AFF1: variants seen among roughly 807,000 people sequenced by gnomAD.
AFF1 encodes ALF transcription elongation factor 1.
AFF1 carries 48 observed loss-of-function variants against 121.7 expected under a neutral mutation model. The observed-to-expected ratio is 0.39, with a 90% CI of 0.31 to 0.50. AFF1 has a LOEUF of 0.50. AFF1 is among the 20% of genes least tolerant of loss of function. The pLI is 0.76. For synonymous variants in AFF1, 613 were observed against 563.0 expected, an observed-to-expected ratio of 1.09 and a Z score of -1.26; for missense variants, 1,523 against 1,511.7, an observed-to-expected ratio of 1.01 and a Z score of -0.12.
At chr4:87,072,294 C>T (rs902701281) in intron 4 of AFF1, among the ~76,000 whole-genome samples, 25 of 144,176 alleles carry the variant, frequency 1.7e-4, no homozygotes, top group African/African-American at 5.1e-4. Flanking sequence ...ACCCGGGAGG[C>T]GGAGCTTGCA....
chr4:87,103,549 T>C (rs1369630582), intron 8 of AFF1, among the ~76,000 whole-genome samples: 2 of 152,368 alleles, frequency 1.3e-5, no homozygotes, highest in South Asian at 2.1e-4. Flanking sequence ...AGGTTTGGAA[T>C]AGGTTTTGTA....
chr4:86,987,429 A>C (rs1724375868), intron 2 of AFF1, among the ~76,000 whole-genome samples: 1 of 152,132 alleles, frequency 6.6e-6, no homozygotes, highest in Non-Finnish European at 1.5e-5. Flanking sequence ...ATCTGAACAT[A>C]ACAGCTCTGG....
rs70953629 is a variant in AFF1 at position 86,969,879 on chromosome 4, C to CAAAAAAAAAAAAAAAA, written c.38+21311_38+21326dup. On this transcript the variant is annotated intron_variant, in intron 2 of 20. Coordinates refer to ENST00000395146, the MANE Select transcript of AFF1 (RefSeq NM_001166693.3). Reference sequence around the variant, plus strand: ...TGGGCGGAAGAGCGAGACTCCGTCTCAAAAAAAAAAAAAAAAAAGGTAAGA... The same window carrying CAAAAAAAAAAAAAAAA: ...TGGGCGGAAGAGCGAGACTCCGTCTCAAAAAAAAAAAAAAAAAAAAAAAAAAAAAAAAAAGGTAAGA... Among the ~76,000 whole-genome samples, 265 of 63,610 alleles carry CAAAAAAAAAAAAAAAA rather than the reference C, an allele frequency of 4.2e-3. 63 individuals are homozygous for CAAAAAAAAAAAAAAAA. The highest frequency in any genetic ancestry group is 6.2e-3 in the Non-Finnish European group (200 of 32,308). The allele number at this position is 63,610 out of a possible 152,430, so 41.7% of individuals were successfully genotyped here.
At chr4:87,133,280 G>A (rs1010121314) in intron 19 of AFF1, among the ~76,000 whole-genome samples, 1 of 152,152 alleles carries the variant, frequency 6.6e-6, no homozygotes, top group Non-Finnish European at 1.5e-5. Context: ...AAGTGAAGCT[G>A]GAATTTTCTT....
chr4:87,115,210 G>A lies in AFF1; in HGVS notation c.2377G>A (p.Ala793Thr). 1 of 1,614,240 alleles carries A rather than the reference G, an allele frequency of 6.2e-7. No homozygotes were observed. The highest frequency in any genetic ancestry group is 8.5e-7 in the Non-Finnish European group (1 of 1,180,054). Residue 793 changes from alanine to threonine, a missense_variant, in exon 12 of 21, where the codon GCA becomes ACA. By Grantham distance (58) the Ala-to-Thr change is moderately conservative. This residue lies in a region of AFF1 where 905 missense variants were observed against 842.5 expected (regional missense o/e 1.07). Transcript: ENST00000395146. The stretch of plus-strand genomic sequence containing the variant: ...CGGGAAGGGGAGCCGCCAGAGGAAA[G>A]CAGAAGATAAACAGCCGCCCGCAGG... ...PPGKGSRQRKAEDKQPPAGKK... is the reference protein window; with the variant it reads ...PPGKGSRQRKTEDKQPPAGKK...
chr4:86,952,687 CT>C (rs35008076), intron 2 of AFF1, among the ~76,000 whole-genome samples: 2,502 of 122,974 alleles, frequency 0.02, 50 homozygotes, highest in African/African-American at 0.068. Flanking sequence ...AAAAACACAA[CT>C]TTTTTTTTTT....
intron 2 of AFF1, among the ~76,000 whole-genome samples, chr4:87,041,907 C>T (rs948388022): frequency 1.8e-4 from 27 of 151,420 alleles, no homozygotes; most frequent in Admixed American, 1.7e-3. Flanking sequence ...GCTATCTACT[C>T]GGGAGGCTGA....
chr4:87,019,227 T>C (rs1388746698), intron 2 of AFF1, among the ~76,000 whole-genome samples: 1 of 152,234 alleles, frequency 6.6e-6, no homozygotes, highest in African/African-American at 2.4e-5. Context: ...ACCAGTGATA[T>C]TATGATTATA....
Position 87,115,205 on chromosome 4 carries a change from G to A in AFF1, c.2372G>A (p.Arg791Lys). 1 of 1,614,190 alleles carries A rather than the reference G, an allele frequency of 6.2e-7. No individual in the cohort carries two copies. The highest frequency in any genetic ancestry group is 8.5e-7 in the Non-Finnish European group (1 of 1,180,044). ...CCTCCCGGGAAGGGGAGCCGCCAGA[G>A]GAAAGCAGAAGATAAACAGCCGCCC... The part of the protein sequence containing the change: ...PQPPGKGSRQ[R>K]KAEDKQPPAG... The change falls in exon 12 of 21, where the codon AGG (arginine) becomes AAG (lysine). Residue 791 changes from arginine to lysine, a missense_variant. Transcript: ENST00000395146.
intron 1 of AFF1, chr4:86,935,735 A>T (rs555772668): frequency 1.5e-4 from 23 of 151,204 alleles, no homozygotes; most frequent in African/African-American, 4.6e-4. Flanking sequence ...CGTCTCGCTG[A>T]GAGCAGGAGG....
intron 4 of AFF1, 23 bp downstream of exon 4, chr4:87,047,617 G>C: frequency 6.2e-7 from 1 of 1,613,790 alleles, no homozygotes. Flanking sequence ...TCTTATCTTG[G>C]GGAATTCCAA....
At chr4:87,006,132 A>G (rs1247158409) in intron 2 of AFF1, among the ~76,000 whole-genome samples, 2 of 152,180 alleles carry the variant, frequency 1.3e-5, no homozygotes, top group African/African-American at 2.4e-5. Context: ...TAGTAATACA[A>G]TCTGGACTAT....
intron 16 of AFF1, 130 bp downstream of exon 16, chr4:87,127,833 G>A (rs1300402323): frequency 1.2e-5 from 11 of 894,628 alleles, no homozygotes; most frequent in South Asian, 6.6e-5. Flanking sequence ...TGCAGCAGGC[G>A]CAGGAGAAAG....
chr4:87,042,201 T>C (rs1267777974), intron 2 of AFF1, among the ~76,000 whole-genome samples: 1 of 152,196 alleles, frequency 6.6e-6, no homozygotes, highest in Non-Finnish European at 1.5e-5. Flanking sequence ...TTTTAAAATT[T>C]CATATTCCTT....
intron 1 of AFF1, among the ~76,000 whole-genome samples, chr4:86,944,448 G>T (rs920085536): frequency 1.3e-5 from 2 of 151,494 alleles, no homozygotes; most frequent in Non-Finnish European, 2.9e-5. Flanking sequence ...CTCACTGCAA[G>T]CTCCATCTCC....
intron 5 of AFF1, among the ~76,000 whole-genome samples, chr4:87,086,208 C>T (rs1007258588): frequency 6.6e-6 from 1 of 152,086 alleles, no homozygotes; most frequent in Admixed American, 6.6e-5. Flanking sequence ...TATACTGTGG[C>T]CTTGGCATTT....
intron 2 of AFF1, among the ~76,000 whole-genome samples, chr4:86,950,845 A>G (rs964295126): frequency 1.3e-5 from 2 of 152,178 alleles, no homozygotes; most frequent in Non-Finnish European, 2.9e-5. Context: ...TACGTTTTAC[A>G]TTTTTATGTA....
chr4:87,132,550 C>T (rs1728932490), intron 19 of AFF1, 142 bp downstream of exon 19: 6 of 705,418 alleles, frequency 8.5e-6, no homozygotes, highest in Middle Eastern at 8.6e-4. Context: ...CTGGTTGCTC[C>T]TAAATTTAAA....
chr4:87,080,734 G>T (rs1723079338), intron 4 of AFF1, among the ~76,000 whole-genome samples: 1 of 152,186 alleles, frequency 6.6e-6, no homozygotes, highest in Non-Finnish European at 1.5e-5. Context: ...CCTTCCAGTG[G>T]CATGCTTGGA....
Sources: gnomAD v4.1 joint callset for allele counts (sites outside exome capture counted in the v4.1 genomes callset) on GRCh38, gnomAD v4.1.1 for gene constraint, gnomAD v4.1.1 regional missense constraint, MANE v1.5 for transcripts, NCBI Gene and HGNC (gene_info 2026-07-23, HGNC 2026-07-21) for gene names.